The following UBE2H variants were observed in gnomAD, a reference collection of about 807,000 sequenced individuals.
UBE2H encodes ubiquitin conjugating enzyme E2 H, also known as ubiquitin-conjugating enzyme E2 H.
Under a neutral mutation model 29.0 loss-of-function variants are expected in UBE2H, and 3 were observed. That is an observed-to-expected ratio of 0.10 (90% CI 0.05 to 0.27). UBE2H has a LOEUF of 0.27. UBE2H is among the 10% of genes least tolerant of loss of function. UBE2H has a pLI of 1.00. For synonymous variants in UBE2H, 69 were observed against 82.9 expected (o/e 0.83, Z 0.91); for missense variants, 68 against 228.2 (o/e 0.30, Z 4.52).
Position 129,856,474 on chromosome 7 carries a change from T to C in UBE2H, c.298+1037A>G, listed in dbSNP as rs1331661009. Among the ~76,000 whole-genome samples the C allele has an allele frequency of 4.6e-5, 7 of 152,080 alleles. No homozygotes were observed. The East Asian group carries it at 1.4e-3, about 29-fold the overall frequency. ...GAAATAATCTAGTAGCACAAAAAAA[T>C]AGGCATAAACAACAAATACACAGTA... On this transcript the variant is annotated intron_variant, in intron 5 of 6. Transcript: ENST00000355621.
chr7:129,944,715 AACACACACACACAC>A (rs57825154), intron 1 of UBE2H, among the ~76,000 whole-genome samples: 7,279 of 144,054 alleles, frequency 0.051, 249 homozygotes, highest in South Asian at 0.13. Context: ...ATGCGCTCAA[AACACACACACACAC>A]ACACACACAC....
intron 1 of UBE2H, among the ~76,000 whole-genome samples, chr7:129,950,736 C>A (rs1312935785): frequency 6.6e-6 from 1 of 152,178 alleles, no homozygotes; most frequent in Non-Finnish European, 1.5e-5. Context: ...GCCACTATGT[C>A]ATTTCCTAGT....
chr7:129,916,474 TAAA>T lies in UBE2H; in HGVS notation c.54-35506_54-35504del, dbSNP rs3043708. ...TTTATCACACTCAAGTTCTAACAAT[TAAA>T]AAAAAAAAAAAAAGCCTACCAAAAA... On this transcript the variant is annotated intron_variant, in intron 1 of 6. Coordinates refer to ENST00000355621, the MANE Select transcript of UBE2H (RefSeq NM_003344.4). 7.2e-3 allele frequency among the ~76,000 whole-genome samples: 1,004 copies of T among 138,972 alleles called. 3 individuals carry two copies. The highest frequency in any genetic ancestry group is 0.01 in the Admixed American group (141 of 13,830). The allele number at this position is 138,972 out of a possible 152,430, so 91.2% of individuals were successfully genotyped here. A position where few individuals can be genotyped will look rare whatever the true frequency, so the allele number is the denominator to read the frequency against.
intron 1 of UBE2H, among the ~76,000 whole-genome samples, chr7:129,903,226 T>G (rs762944374): frequency 2.0e-5 from 3 of 152,246 alleles, no homozygotes; most frequent in Non-Finnish European, 4.4e-5. Context: ...GCTGTGCTTA[T>G]CCTTGAACTG....
At chr7:129,916,757 G>A (rs1006030279) in intron 1 of UBE2H, among the ~76,000 whole-genome samples, 15 of 152,142 alleles carry the variant, frequency 9.9e-5, no homozygotes, top group Admixed American at 6.5e-4. Flanking sequence ...TTCCATTTGC[G>A]GCTGGGAGCG....
At chr7:129,888,254 G>A (rs1485814073) in intron 1 of UBE2H, among the ~76,000 whole-genome samples, 3 of 152,166 alleles carry the variant, frequency 2.0e-5, no homozygotes, top group African/African-American at 4.8e-5. Flanking sequence ...TTCAGAAAAT[G>A]AGCATTATCT....
intron 6 of UBE2H, among the ~76,000 whole-genome samples, chr7:129,835,295 C>G (rs1805301733): frequency 6.6e-6 from 1 of 152,314 alleles, no homozygotes; most frequent in Non-Finnish European, 1.5e-5. Flanking sequence ...AAGAGCAACA[C>G]AGCAGGCTCA....
rs565834125 is a variant in UBE2H, at chr7:129,941,139, G to A, written c.53+11364C>T. Among the ~76,000 whole-genome samples, 7 of 152,142 alleles carry A rather than the reference G, an allele frequency of 4.6e-5. No individual in the cohort carries two copies. The East Asian group carries it at 1.2e-3, about 25-fold the overall frequency. ...CCGGCTAATTTTTTGTATTTTAGTA[G>A]AGACAGGGTTTCACCATGTTGCCCA... is the stretch of plus-strand genomic sequence containing the variant. On this transcript the variant is annotated intron_variant, in intron 1 of 6. Coordinates refer to ENST00000355621, the MANE Select transcript of UBE2H (RefSeq NM_003344.4).
At chr7:129,925,666 G>C (rs1381617391) in intron 1 of UBE2H, among the ~76,000 whole-genome samples, 3 of 152,294 alleles carry the variant, frequency 2.0e-5, no homozygotes, top group Middle Eastern at 3.4e-3. Flanking sequence ...AATGTGTAGG[G>C]AGGGACACTC....
At chr7:129,891,813 A>C (rs1244121856) in intron 1 of UBE2H, among the ~76,000 whole-genome samples, 18 of 113,002 alleles carry the variant, frequency 1.6e-4, no homozygotes, top group South Asian at 6.1e-4. Flanking sequence ...ACAAAAACAA[A>C]AAAAAAAAAA....
chr7:129,903,684 A>T (rs1806761547), intron 1 of UBE2H, among the ~76,000 whole-genome samples: 1 of 152,194 alleles, frequency 6.6e-6, no homozygotes, highest in South Asian at 2.1e-4. Flanking sequence ...GGACTGCTTG[A>T]GCCCAGGAGT....
intron 1 of UBE2H, among the ~76,000 whole-genome samples, chr7:129,927,197 T>C (rs1329172484): frequency 6.6e-6 from 1 of 152,172 alleles, no homozygotes; most frequent in Non-Finnish European, 1.5e-5. Flanking sequence ...ACTAAAATGT[T>C]AATAATAGAA....
intron 3 of UBE2H, among the ~76,000 whole-genome samples, chr7:129,861,410 A>G (rs1182878176): frequency 1.3e-5 from 2 of 152,216 alleles, no homozygotes; most frequent in African/African-American, 4.8e-5. Flanking sequence ...AAATCTCATC[A>G]CCACCTCACC....
chr7:129,854,073 T>TTTTTATTTTTTTTTATTTTTA (rs1563023008), intron 5 of UBE2H, among the ~76,000 whole-genome samples: 5 of 150,100 alleles, frequency 3.3e-5, no homozygotes, highest in African/African-American at 4.9e-5. Flanking sequence ...TTTTTTTTTT[T>TTTTTATTTTTTTTTATTTTTA]TTTTTTTTTG....
intron 5 of UBE2H, among the ~76,000 whole-genome samples, chr7:129,848,292 T>C (rs1805547320): frequency 6.6e-6 from 1 of 152,164 alleles, no homozygotes; most frequent in Admixed American, 6.5e-5. Flanking sequence ...TATTTGCCAA[T>C]CAAAATTCTG....
At chr7:129,873,748 T>C (rs1009776615) in intron 3 of UBE2H, among the ~76,000 whole-genome samples, 2 of 152,076 alleles carry the variant, frequency 1.3e-5, no homozygotes, top group East Asian at 1.9e-4. Flanking sequence ...TCACATCAAG[T>C]TCTATGGCAG....
intron 3 of UBE2H, 154 bp from the exon 4 acceptor site, chr7:129,859,095 T>C (rs1805755830): frequency 1.6e-6 from 1 of 619,956 alleles, no homozygotes; most frequent in South Asian, 2.0e-5. Context: ...AAACATTATA[T>C]TCTCCTGATA....
At chr7:129,936,455 G>A (rs1345952911) in intron 1 of UBE2H, among the ~76,000 whole-genome samples, 2 of 151,590 alleles carry the variant, frequency 1.3e-5, no homozygotes, top group East Asian at 1.9e-4. Flanking sequence ...TTAGCCGGGC[G>A]TAGTGGCGGG....
intron 5 of UBE2H, among the ~76,000 whole-genome samples, chr7:129,842,623 C>T (rs79175817): frequency 0.063 from 9,508 of 152,088 alleles, 368 homozygotes; most frequent in Non-Finnish European, 0.092. Flanking sequence ...GTTTTACAGG[C>T]CAGACGCAGT....
Sources: gnomAD v4.1 joint callset for allele counts (sites outside exome capture counted in the v4.1 genomes callset) on GRCh38, gnomAD v4.1.1 for gene constraint, MANE v1.5 for transcripts, NCBI Gene and HGNC (gene_info 2026-07-23, HGNC 2026-07-21) for gene names.